AKAP3: variants seen among roughly 807,000 people sequenced by gnomAD.
The protein encoded by AKAP3 is A-kinase anchoring protein 3, also known as A-kinase anchor protein 3.
Under a neutral mutation model 57.2 loss-of-function variants are expected in AKAP3, and 27 were observed. The observed-to-expected ratio is 0.47, with a 90% CI of 0.35 to 0.65. The LOEUF (loss-of-function observed/expected upper bound fraction) is 0.65. Ranked by LOEUF, AKAP3 falls within the 30% of genes least tolerant of loss-of-function variation. AKAP3 has a pLI of 0.01. For synonymous variants in AKAP3, 334 were observed against 392.3 expected (o/e 0.85, Z 1.76); for missense variants, 959 against 1,040.0 (o/e 0.92, Z 1.07).
In AKAP3 at chr12:4,626,705, C is replaced by T; in HGVS notation, c.2197G>A (p.Ala733Thr). ...TGSAEAVLQN[A>T]YQAIHNEMRG... ...ATTTCATTATGGATAGCTTGATAGGCATTCTGCAGGACAGCTTCTGCTGAC... is the reference window on the plus strand; with the variant it reads ...ATTTCATTATGGATAGCTTGATAGGTATTCTGCAGGACAGCTTCTGCTGAC... Residue 733 changes from alanine (A) to threonine (T), a missense_variant, in exon 5 of 6, where the codon GCC (alanine) becomes ACC (threonine). By Grantham distance (58) the Ala-to-Thr change is moderately conservative. Transcript: ENST00000228850. 1 of 1,614,014 alleles carries T rather than the reference C, an allele frequency of 6.2e-7. No individual in the cohort carries two copies. Among genetic ancestry groups the T allele is most frequent in the Non-Finnish European group, 8.5e-7 (1 of 1,180,020 alleles).
At chr12:4,633,323 A>G (rs1195795483) in intron 4 of AKAP3, among the ~76,000 whole-genome samples, 1 of 152,168 alleles carries the variant, frequency 6.6e-6, no homozygotes, top group African/African-American at 2.4e-5. Flanking sequence ...CCAAACCTAC[A>G]GCGTAGAATA....
In AKAP3 at chr12:4,627,897, G is replaced by C. The variant is rs748977283; in HGVS notation, c.1005C>G (p.Asp335Glu). The C allele has an allele frequency of 6.2e-7, 1 of 1,614,184 alleles. No homozygotes were observed. Among genetic ancestry groups the C allele is most frequent in the African/African-American group, 1.3e-5 (1 of 75,056 alleles). The change falls in exon 5 of 6, where the codon GAC becomes GAG. Residue 335 changes from aspartate to glutamate, a missense_variant. Physicochemically the swap from Asp to Glu is conservative, Grantham distance 45. Coordinates refer to ENST00000228850, the MANE Select transcript of AKAP3 (RefSeq NM_001278309.2). ...HAKEVVSDLI[D>E]SFLRNLHSVT... ...CGCTGTGGAGATTCCTCAAGAAGGA[G>C]TCGATGAGATCCGAGACCACCTCTT...
chr12:4,639,148 T>A (rs1945603804), intron 3 of AKAP3, among the ~76,000 whole-genome samples: 1 of 152,192 alleles, frequency 6.6e-6, no homozygotes, highest in South Asian at 2.1e-4. Context: ...TCTCACACAC[T>A]TTCCACAACA....
rs77626685 is a variant in AKAP3, at chr12:4,640,608, A to G, written c.-1+1291T>C. Among the ~76,000 whole-genome samples, 1,295 of 152,366 alleles carry G rather than the reference A, an allele frequency of 8.5e-3. 9 individuals carry two copies. Among genetic ancestry groups the G allele is most frequent in the African/African-American group, 0.023 (950 of 41,586 alleles). On this transcript the variant is annotated intron_variant, in intron 3 of 5. Transcript: ENST00000228850. Reference sequence around the variant, plus strand: ...ACAGGGTGTTTTAGATAATCATTACAAAGAAAATACAAGATCTTTTAAGAG... The same window carrying G: ...ACAGGGTGTTTTAGATAATCATTACGAAGAAAATACAAGATCTTTTAAGAG...
At chr12:4,632,270 A>G (rs12184474) in intron 4 of AKAP3, among the ~76,000 whole-genome samples, 13,536 of 152,176 alleles carry the variant, frequency 0.089, 770 homozygotes, top group South Asian at 0.15. Flanking sequence ...CATCTTCTCC[A>G]CTTAGAGAGG....
rs1180030588 is a variant in AKAP3 at position 4,641,977 on chromosome 12, CCCCCT to C, written c.-84_-80del. The C allele has an allele frequency of 6.6e-6, 1 of 152,114 alleles. No homozygotes were observed. The highest frequency in any genetic ancestry group is 1.9e-4 in the East Asian group (1 of 5,200). 9.4% of individuals were successfully genotyped at this position (152,114 alleles called of 1,614,324 possible). On this transcript the variant is annotated 5_prime_UTR_variant, in exon 3 of 6. An upstream open reading frame in the 5' UTR loses its in-frame stop. Transcript: ENST00000228850. Reference sequence around the variant, plus strand: ...TTGTCTTCACTATCCCTCAGTTTACCCCCCTCCTGCCATGTAATATAAGGAATCTG... The same window carrying C: ...TTGTCTTCACTATCCCTCAGTTTACCCCTGCCATGTAATATAAGGAATCTG...
chr12:4,623,823 T>C (rs548551309), intron 5 of AKAP3, among the ~76,000 whole-genome samples: 89 of 152,328 alleles, frequency 5.8e-4, no homozygotes, highest in Non-Finnish European at 1.1e-3. Context: ...AATGGTCTTA[T>C]ATGCAAAGAT....
intron 5 of AKAP3, among the ~76,000 whole-genome samples, chr12:4,623,857 C>T (rs1229790237): frequency 6.6e-6 from 1 of 152,108 alleles, no homozygotes; most frequent in Non-Finnish European, 1.5e-5. Flanking sequence ...CCTAATAAGA[C>T]AAAAAGTAAA....
intron 3 of AKAP3, among the ~76,000 whole-genome samples, chr12:4,641,351 G>A (rs1191447678): frequency 6.6e-6 from 1 of 152,054 alleles, no homozygotes; most frequent in Non-Finnish European, 1.5e-5. Context: ...AAGTAGTTGG[G>A]ACTACACCAG....
At chr12:4,626,461 T>C (rs774655856) in intron 5 of AKAP3, 35 bp downstream of exon 5, 7 of 1,591,722 alleles carry the variant, frequency 4.4e-6, no homozygotes, top group Non-Finnish European at 6.0e-6. Flanking sequence ...TAAATCTTAA[T>C]AAAGCTTCCA....
Position 4,626,422 on chromosome 12 carries a change from A to G in AKAP3, c.2406+74T>C, listed in dbSNP as rs932531795. 1.0e-5 allele frequency: 15 copies of G among 1,502,490 alleles called. No individual in the cohort carries two copies. The Middle Eastern group carries it at 1.4e-3, about 135-fold the overall frequency. The allele number at this position is 1,502,490 out of a possible 1,614,324, so 93.1% of individuals were successfully genotyped here. On this transcript the variant is annotated intron_variant, in intron 5 of 5. Coordinates refer to ENST00000228850, the MANE Select transcript of AKAP3 (RefSeq NM_001278309.2). ...CTTCTCTGTGGCTATCTTCCCATTC[A>G]GAAAGAAACCAGAACTTAAAGCCCT...
Position 4,626,898 on chromosome 12 carries a change from C to G in AKAP3, c.2004G>C (p.Gln668His), listed in dbSNP as rs200385558. Residue 668 changes from glutamine (Q) to histidine (H), a missense_variant, in exon 5 of 6, where the codon CAG (glutamine) becomes CAC (histidine). Coordinates refer to ENST00000228850, the MANE Select transcript of AKAP3 (RefSeq NM_001278309.2). ...CTGAGTTCATCAGATGTTCTACCAT[C>G]TGCCCACTCATGTGGCCATCTATCT... ...VSQIDGHMSGQMVEHLMNSVM... is the reference protein window; with the variant it reads ...VSQIDGHMSGHMVEHLMNSVM... 1.2e-6 allele frequency: 2 copies of G among 1,614,060 alleles called. No individual in the cohort carries two copies. The highest frequency in any genetic ancestry group is 1.7e-6 in the Non-Finnish European group (2 of 1,180,044).
At position 4,638,083 on chromosome 12, in the gene AKAP3, C is replaced by G. The variant is rs1317694471; in HGVS notation, c.96+18G>C. The G allele has an allele frequency of 6.3e-7, 1 of 1,577,030 alleles. No homozygotes were observed. Among genetic ancestry groups the G allele is most frequent in the Non-Finnish European group, 8.7e-7 (1 of 1,146,476 alleles). ...CCCATATTCTTAACCTAGTGTTTATCAAGAGGTTGACCCTTACCATTTTCC... is the reference window on the plus strand; with the variant it reads ...CCCATATTCTTAACCTAGTGTTTATGAAGAGGTTGACCCTTACCATTTTCC... On this transcript the variant is annotated intron_variant, in intron 4 of 5. Coordinates refer to ENST00000228850, the MANE Select transcript of AKAP3 (RefSeq NM_001278309.2).
At position 4,639,898 on chromosome 12, in the gene AKAP3, G is replaced by C. The variant is rs534188098; in HGVS notation, c.1-1702C>G. On this transcript the variant is annotated intron_variant, in intron 3 of 5. Coordinates refer to ENST00000228850, the MANE Select transcript of AKAP3 (RefSeq NM_001278309.2). Reference sequence around the variant, plus strand: ...GTGGCACCATCTCGGCTCACTGCAAGCTCCGCCTCCTGGGTTCACGCCATT... The same window carrying C: ...GTGGCACCATCTCGGCTCACTGCAACCTCCGCCTCCTGGGTTCACGCCATT... Among the ~76,000 whole-genome samples the C allele has an allele frequency of 2.1e-5, 3 of 145,030 alleles. No individual in the cohort carries two copies. The East Asian group carries it at 6.1e-4, about 30-fold the overall frequency.
chr12:4,628,682 A>C lies in AKAP3; in HGVS notation c.220T>G (p.Ser74Ala), dbSNP rs1945459827. ...GESFGGETSN[S>A]GDPHKGFSVD... ...GAGAAACCTTTGTGTGGGTCTCCTG[A>C]GTTGGACGTTTCCCCACCAAATGAT... The change falls in exon 5 of 6, where the codon TCA (serine) becomes GCA (alanine). Residue 74 changes from serine to alanine, a missense_variant. Ser to Ala is a moderately conservative substitution (Grantham distance 99). Coordinates refer to ENST00000228850, the MANE Select transcript of AKAP3 (RefSeq NM_001278309.2). 1.2e-6 allele frequency: 2 copies of C among 1,613,930 alleles called. No individual in the cohort carries two copies. Among genetic ancestry groups the C allele is most frequent in the South Asian group, 2.2e-5 (2 of 91,074 alleles).
chr12:4,632,571 AGT>A (rs1247544091), intron 4 of AKAP3, among the ~76,000 whole-genome samples: 1 of 152,108 alleles, frequency 6.6e-6, no homozygotes, highest in African/African-American at 2.4e-5. Context: ...CCTGGTGGAG[AGT>A]GTTTCTTAGG....
In AKAP3 at chr12:4,627,080, T is replaced by A; in HGVS notation, c.1822A>T (p.Lys608Ter). Residue 608 changes from lysine to a stop codon, truncating the protein, a stop_gained, in exon 5 of 6, where the codon AAG (lysine) becomes TAG (stop). Coordinates refer to ENST00000228850, the MANE Select transcript of AKAP3 (RefSeq NM_001278309.2). LOFTEE classifies it high-confidence loss of function. ...IRNLLSETIF[K>*]RDQSPEPKVP... ...TTGGGTTCAGGGCTCTGGTCACGCTTGAAAATGGTCTCACTAAGTAAGTTC... is the reference window on the plus strand; with the variant it reads ...TTGGGTTCAGGGCTCTGGTCACGCTAGAAAATGGTCTCACTAAGTAAGTTC... The A allele has an allele frequency of 6.2e-7, 1 of 1,614,094 alleles. No homozygotes were observed. Among genetic ancestry groups the A allele is most frequent in the Non-Finnish European group, 8.5e-7 (1 of 1,180,002 alleles).
At position 4,627,857 on chromosome 12, in the gene AKAP3, T is replaced by G. The variant is rs767482374; in HGVS notation, c.1045A>C (p.Met349Leu). Residue 349 changes from methionine (M) to leucine (L), a missense_variant, in exon 5 of 6, where the codon ATG becomes CTG. By Grantham distance (15) the Met-to-Leu change is conservative. Transcript: ENST00000228850. ...GCCGAGACAAACTGTGTGTCAGTCATGAGGGTCCCTGTGACGCTGTGGAGA... is the reference window on the plus strand; with the variant it reads ...GCCGAGACAAACTGTGTGTCAGTCAGGAGGGTCCCTGTGACGCTGTGGAGA... Reference protein sequence around the residue: ...RNLHSVTGTLMTDTQFVSAVK... With the variant: ...RNLHSVTGTLLTDTQFVSAVK... The G allele has an allele frequency of 3.1e-6, 5 of 1,614,156 alleles. No homozygotes were observed. In the South Asian group the frequency reaches 4.4e-5, roughly 14 times the overall value.
intron 4 of AKAP3, among the ~76,000 whole-genome samples, chr12:4,630,724 A>T (rs1235949748): frequency 6.6e-6 from 1 of 152,198 alleles, no homozygotes; most frequent in Admixed American, 6.5e-5. Flanking sequence ...ACTATAGACA[A>T]CTGACATCAA....
Sources: gnomAD v4.1 joint callset for allele counts (sites outside exome capture counted in the v4.1 genomes callset) on GRCh38, gnomAD v4.1.1 for gene constraint, MANE v1.5 for transcripts, NCBI Gene and HGNC (gene_info 2026-07-23, HGNC 2026-07-21) for gene names.